Variants in KCNS3 observed in about 807,000 individuals in gnomAD.
The protein encoded by KCNS3 is delayed-rectifier potassium channel regulatory subunit KCNS3.
Under a neutral mutation model 31.0 loss-of-function variants are expected in KCNS3, and 13 were observed. The observed-to-expected ratio is 0.42, with a 90% CI of 0.27 to 0.67. KCNS3 has a LOEUF of 0.67. Ranked by LOEUF, KCNS3 falls within the 30% of genes least tolerant of loss-of-function variation. The probability of loss-of-function intolerance (pLI) is 0.25; values close to 1 mark genes in which losing one functional copy is unlikely to be tolerated. For missense variants in KCNS3, 545 were observed against 622.4 expected, an observed-to-expected ratio of 0.88 and a Z score of 1.32; for synonymous variants, 238 against 241.5, an observed-to-expected ratio of 0.99 and a Z score of 0.13.
chr2:17,897,209 T>C (rs1662049105), intron 1 of KCNS3, among the ~76,000 whole-genome samples: 1 of 152,236 alleles, frequency 6.6e-6, no homozygotes, highest in African/African-American at 2.4e-5. Context: ...TTCATGTTGC[T>C]GCAAAGGACA....
chr2:17,884,268 A>AAAATATATATAT (rs1459540269), intron 1 of KCNS3, among the ~76,000 whole-genome samples: 2 of 46,694 alleles, frequency 4.3e-5, no homozygotes, highest in African/African-American at 7.8e-5. Context: ...AAAAAAAAAA[A>AAAATATATATAT]ATATATATAT....
intron 2 of KCNS3, among the ~76,000 whole-genome samples, chr2:17,922,913 A>T (rs1286064077): frequency 6.6e-6 from 1 of 152,164 alleles, no homozygotes; most frequent in Non-Finnish European, 1.5e-5. Flanking sequence ...CGAACATTAC[A>T]TACAGTTTTT....
intron 2 of KCNS3, among the ~76,000 whole-genome samples, chr2:17,925,740 C>A (rs1021711282): frequency 6.6e-6 from 1 of 152,152 alleles, no homozygotes; most frequent in Non-Finnish European, 1.5e-5. Flanking sequence ...TCCCTTGACA[C>A]GTGGGGATTA....
chr2:17,907,057 G>A (rs1662339397), intron 1 of KCNS3, among the ~76,000 whole-genome samples: 1 of 152,060 alleles, frequency 6.6e-6, no homozygotes, highest in South Asian at 2.1e-4. Context: ...TTGACAGTGG[G>A]GTGTTAAAGT....
chr2:17,919,595 G>A (rs1157102127), intron 2 of KCNS3: 1 of 152,140 alleles, frequency 6.6e-6, no homozygotes, highest in Non-Finnish European at 1.5e-5. Context: ...ACATTGAAAC[G>A]TTGCATTCAG....
intron 1 of KCNS3, among the ~76,000 whole-genome samples, chr2:17,894,873 A>G (rs529063787): frequency 6.6e-6 from 1 of 152,294 alleles, no homozygotes; most frequent in African/African-American, 2.4e-5. Flanking sequence ...TCTTTCTTGT[A>G]TGGAGAACTT....
chr2:17,906,990 C>A (rs984765144), intron 1 of KCNS3, among the ~76,000 whole-genome samples: 25 of 152,174 alleles, frequency 1.6e-4, no homozygotes, highest in Non-Finnish European at 3.1e-4. Flanking sequence ...TGGTGCAGAG[C>A]TGAGTTCAAT....
chr2:17,923,779 A>G (rs917665030), intron 2 of KCNS3, among the ~76,000 whole-genome samples: 1 of 151,870 alleles, frequency 6.6e-6, no homozygotes, highest in Non-Finnish European at 1.5e-5. Flanking sequence ...AAAATCAATC[A>G]AAAAGCCCAT....
intron 2 of KCNS3, among the ~76,000 whole-genome samples, chr2:17,926,442 C>G (rs1041604403): frequency 6.6e-6 from 1 of 152,216 alleles, no homozygotes; most frequent in Non-Finnish European, 1.5e-5. Context: ...TCTGCACTGC[C>G]CTAGCAGAGG....
intron 2 of KCNS3, among the ~76,000 whole-genome samples, chr2:17,918,507 C>A (rs1362121452): frequency 3.9e-5 from 6 of 152,202 alleles, no homozygotes; most frequent in Non-Finnish European, 8.8e-5. Context: ...CCATCCCCAA[C>A]CATCTCATTT....
At chr2:17,879,847 AG>A (rs1674603233) in intron 1 of KCNS3, among the ~76,000 whole-genome samples, 1 of 152,136 alleles carries the variant, frequency 6.6e-6, no homozygotes. Context: ...AAAATGACCC[AG>A]GGGCCCTGGT....
chr2:17,931,256 A>G lies in KCNS3; in HGVS notation c.248A>G (p.Tyr83Cys). 1.2e-6 allele frequency: 2 copies of G among 1,614,126 alleles called. No homozygotes were observed. The highest frequency in any genetic ancestry group is 1.7e-6 in the Non-Finnish European group (2 of 1,180,032). Residue 83 changes from tyrosine to cysteine, a missense_variant, in exon 3 of 3, where the codon TAT becomes TGT. By Grantham distance (194) the Tyr-to-Cys change is radical. Coordinates refer to ENST00000304101, the MANE Select transcript of KCNS3 (RefSeq NM_002252.5). This position sits in a 1 kb window ranked among gnomAD's most constrained non-coding sequence, Gnocchi z 5.4. ...TTGTTCAGATATGTTTTGAATTTTT[A>G]TTACACGGGGAAGCTGCATGTCATG... ...PSLFRYVLNF[Y>C]YTGKLHVMEE...
chr2:17,881,227 A>T (rs556625149), intron 1 of KCNS3, among the ~76,000 whole-genome samples: 29 of 152,272 alleles, frequency 1.9e-4, no homozygotes, highest in Middle Eastern at 6.8e-3. Context: ...ACTAGGAGGA[A>T]GGACGACTCT....
chr2:17,910,387 A>G (rs10186418), intron 1 of KCNS3, among the ~76,000 whole-genome samples: 36,634 of 152,064 alleles, frequency 0.24, 4,994 homozygotes, highest in East Asian at 0.46. Flanking sequence ...TTAGTTAGAG[A>G]TTGGTGAAAA....
Position 17,910,275 on chromosome 2 carries a change from T to C in KCNS3, c.-251-7405T>C, listed in dbSNP as rs149453938. 1.4e-3 allele frequency among the ~76,000 whole-genome samples: 214 copies of C among 152,368 alleles called. 1 individual carries two copies. The East Asian group carries it at 0.024, about 17-fold the overall frequency. ...TCTCTTCAATAACTCTGATAGGATA[T>C]GAAGCTATTCATACTTCTATTGGTG... On this transcript the variant is annotated intron_variant, in intron 1 of 2. Transcript: ENST00000304101.
chr2:17,878,644 C>T (rs1211680431), upstream of KCNS3: 1 of 148,408 alleles, frequency 6.7e-6, no homozygotes, highest in Non-Finnish European at 1.5e-5. Flanking sequence ...GAGCCTCGCT[C>T]TAGCGGGGCG....
chr2:17,888,635 A>ATATC (rs1558446959), intron 1 of KCNS3, among the ~76,000 whole-genome samples: 354 of 28,514 alleles, frequency 0.012, 12 homozygotes, highest in South Asian at 0.11. Context: ...AAATGTATAT[A>ATATC]TATATATATA....
chr2:17,915,191 A>C (rs1057008384), intron 1 of KCNS3, among the ~76,000 whole-genome samples: 2 of 152,214 alleles, frequency 1.3e-5, no homozygotes, highest in African/African-American at 4.8e-5. Flanking sequence ...AATTCTGCAG[A>C]GGGTGGCAAT....
At chr2:17,921,915 GTA>G (rs56064218) in intron 2 of KCNS3, among the ~76,000 whole-genome samples, 1,881 of 32,574 alleles carry the variant, frequency 0.058, 16 homozygotes, top group Non-Finnish European at 0.069. Flanking sequence ...GTGTGTGTGT[GTA>G]TATATATATA....
Sources: allele counts gnomAD v4.1 joint callset (sites outside exome capture counted in the v4.1 genomes callset), GRCh38; gene constraint gnomAD v4.1.1; non-coding constraint Gnocchi (gnomAD v3.1); transcripts MANE v1.5; gene names NCBI Gene and HGNC (gene_info 2026-07-23, HGNC 2026-07-21).